The following DOCK11 variants were observed in gnomAD, a reference collection of about 807,000 sequenced individuals.
DOCK11 encodes the protein dedicator of cytokinesis 11.
A neutral mutation model predicts 169.1 loss-of-function variants in DOCK11; 70 were observed. The ratio of observed to expected loss-of-function variants is 0.41; its 90% CI spans 0.34 to 0.51. The LOEUF is 0.51. DOCK11 is among the 20% of genes least tolerant of loss of function. DOCK11 has a pLI of 0.10. For synonymous variants in DOCK11, 529 were observed against 541.3 expected (o/e 0.98, Z 0.32); for missense variants, 1,166 against 1,538.8 (o/e 0.76, Z 4.05).
chrX:118,675,315 C>T (rs2016583324), intron 46 of DOCK11, among the ~76,000 whole-genome samples: 1 of 112,098 alleles, frequency 8.9e-6, no homozygotes, highest in African/African-American at 3.2e-5. Flanking sequence ...TCTCATAGCT[C>T]TCTACCTGAG....
intron 48 of DOCK11, among the ~76,000 whole-genome samples, chrX:118,678,267 A>C (rs752370191): frequency 3.6e-5 from 4 of 111,934 alleles, no homozygotes; most frequent in Admixed American, 2.8e-4. Flanking sequence ...GTAGATGTAC[A>C]CATATAAATG....
chrX:118,615,779 T>C (rs1482427379), intron 30 of DOCK11, 68 bp downstream of exon 30: 7 of 820,647 alleles, frequency 8.5e-6, no homozygotes, highest in African/African-American at 8.3e-5. Context: ...TAGTGTAGTA[T>C]AATGTTTTCT....
rs530409474 is a variant in DOCK11, at chrX:118,539,725, T to C, written c.103-3000T>C. The stretch of plus-strand genomic sequence containing the variant: ...AAAATAAGTGATTCATTTTGACATA[T>C]TCTTTCCATATTAATTTGGAGCTAC... On this transcript the variant is annotated intron_variant, in intron 1 of 52. Coordinates refer to ENST00000276202, the MANE Select transcript of DOCK11 (RefSeq NM_144658.4). Among the ~76,000 whole-genome samples, 12 of 111,087 alleles carry C rather than the reference T, an allele frequency of 1.1e-4. No individual in the cohort carries two copies. In the South Asian group the frequency reaches 4.5e-3, roughly 42 times the overall value.
chrX:118,666,485 A>G (rs949484211), intron 45 of DOCK11, among the ~76,000 whole-genome samples: 4 of 111,406 alleles, frequency 3.6e-5, no homozygotes, highest in East Asian at 5.6e-4. Context: ...AATGGAATCA[A>G]TCATTCAATA....
intron 46 of DOCK11, among the ~76,000 whole-genome samples, chrX:118,671,878 C>T (rs985719997): frequency 1.8e-5 from 2 of 112,218 alleles, no homozygotes; most frequent in Non-Finnish European, 3.8e-5. Flanking sequence ...GGGGTTTCAC[C>T]ATGTTGACCA....
At chrX:118,566,263 A>G (rs2013076769) in intron 8 of DOCK11, 81 bp downstream of exon 8, 1 of 909,276 alleles carries the variant, frequency 1.1e-6, no homozygotes, top group South Asian at 2.5e-5. Context: ...CAGGGTGAGT[A>G]GAGAACTCTT....
chrX:118,614,220 T>G (rs763401370), intron 28 of DOCK11, among the ~76,000 whole-genome samples: 1 of 111,479 alleles, frequency 9.0e-6, no homozygotes, highest in East Asian at 2.8e-4. Context: ...ACAAAAACTC[T>G]TTTGGTCTGA....
intron 32 of DOCK11, 39 bp from the exon 33 acceptor site, chrX:118,627,465 A>T: frequency 3.0e-6 from 3 of 1,002,616 alleles, no homozygotes; most frequent in Non-Finnish European, 4.2e-6. Flanking sequence ...CCTATATACG[A>T]ATTTGTTTAA....
intron 1 of DOCK11, among the ~76,000 whole-genome samples, chrX:118,503,373 T>C (rs1407530460): frequency 9.0e-6 from 1 of 111,648 alleles, no homozygotes; most frequent in Non-Finnish European, 1.9e-5. Flanking sequence ...CAAAGGCTTT[T>C]AACTGAGGCA....
chrX:118,495,844 A>T lies in DOCK11; in HGVS notation c.-128A>T. 1 of 220,933 alleles carries T rather than the reference A, an allele frequency of 4.5e-6. No individual in the cohort carries two copies. The highest frequency in any genetic ancestry group is 7.2e-6 in the Non-Finnish European group (1 of 139,385). The allele number at this position is 220,933 out of a possible 1,213,427, so 18.2% of individuals were successfully genotyped here. On this transcript the variant is annotated 5_prime_UTR_variant, in exon 1 of 53. It removes an upstream start codon present in the reference 5' UTR. Coordinates refer to ENST00000276202, the MANE Select transcript of DOCK11 (RefSeq NM_144658.4). ...TGAGCCGCGCCGCCGCCGAGCTGCGATGTGGCCGGCCGGCCGGCGAGTAAA... is the reference window on the plus strand; with the variant it reads ...TGAGCCGCGCCGCCGCCGAGCTGCGTTGTGGCCGGCCGGCCGGCGAGTAAA...
At chrX:118,498,765 A>AT (rs773363308) in intron 1 of DOCK11, among the ~76,000 whole-genome samples, 1,756 of 105,490 alleles carry the variant, frequency 0.017, 41 homozygotes, top group African/African-American at 0.055. Context: ...TTTTTTTTTT[A>AT]TTTTTTTTTT....
chrX:118,619,539 C>T (rs1398853968), intron 31 of DOCK11, among the ~76,000 whole-genome samples: 1 of 100,855 alleles, frequency 9.9e-6, no homozygotes. Context: ...TAAAGAAATA[C>T]ACTGTTTTCT....
chrX:118,553,456 C>T (rs1473412286), intron 6 of DOCK11, among the ~76,000 whole-genome samples: 1 of 111,889 alleles, frequency 8.9e-6, no homozygotes, highest in East Asian at 2.8e-4. Context: ...ATTCCTCTAG[C>T]TCTCTCCTCC....
At chrX:118,648,838 T>C in intron 40 of DOCK11, 107 bp from the exon 41 acceptor site, 6 of 715,184 alleles carry the variant, frequency 8.4e-6, no homozygotes, top group Non-Finnish European at 1.2e-5. Flanking sequence ...TTTTGTATCC[T>C]CAAAGCCCCC....
chrX:118,530,338 A>T (rs768572500), intron 1 of DOCK11, among the ~76,000 whole-genome samples: 1 of 113,251 alleles, frequency 8.8e-6, no homozygotes, highest in South Asian at 3.6e-4. Context: ...CTGTCATTTT[A>T]TGGATTAATT....
chrX:118,643,021 T>G (rs1334383197), intron 39 of DOCK11, among the ~76,000 whole-genome samples: 1 of 112,150 alleles, frequency 8.9e-6, no homozygotes, highest in Non-Finnish European at 1.9e-5. Context: ...AACATACTTT[T>G]AAAGTAAATT....
intron 1 of DOCK11, among the ~76,000 whole-genome samples, chrX:118,512,154 G>A (rs932838789): frequency 1.8e-5 from 2 of 111,760 alleles, no homozygotes; most frequent in Non-Finnish European, 3.8e-5. Flanking sequence ...TGCCTGCCTT[G>A]GCCTCCCAAA....
intron 45 of DOCK11, among the ~76,000 whole-genome samples, chrX:118,663,369 T>C (rs1315031589): frequency 9.8e-5 from 11 of 111,927 alleles, no homozygotes; most frequent in Non-Finnish European, 1.9e-4. Flanking sequence ...ATGCAGACAA[T>C]ATGTGCCATG....
intron 1 of DOCK11, among the ~76,000 whole-genome samples, chrX:118,516,715 G>A (rs1569404698): frequency 3.6e-5 from 4 of 112,075 alleles, no homozygotes; most frequent in East Asian, 2.8e-4. Context: ...GATTACAGAC[G>A]TGAGCCACCG....
Sources: allele counts gnomAD v4.1 joint callset (sites outside exome capture counted in the v4.1 genomes callset), GRCh38; gene constraint gnomAD v4.1.1; transcripts MANE v1.5; gene names NCBI Gene and HGNC (gene_info 2026-07-23, HGNC 2026-07-21).